KHDRBS2: variants seen among roughly 807,000 people sequenced by gnomAD.
KHDRBS2 encodes KH RNA binding domain containing, signal transduction associated 2.
Under a neutral mutation model 44.3 loss-of-function variants are expected in KHDRBS2, and 26 were observed. The ratio of observed to expected loss-of-function variants is 0.59; its 90% confidence interval spans 0.43 to 0.81. The LOEUF is 0.81. KHDRBS2 is among the 40% of genes least tolerant of loss of function. The pLI is 0.00. For missense variants in KHDRBS2, 476 were observed against 433.1 expected (o/e 1.10, Z -0.88); for synonymous variants, 194 against 151.1 (o/e 1.28, Z -2.08).
intron 1 of KHDRBS2, among the ~76,000 whole-genome samples, chr6:62,217,697 G>A (rs1830251476): frequency 6.6e-6 from 1 of 151,782 alleles, no homozygotes; most frequent in Admixed American, 6.6e-5. Context: ...GTGTCAAATT[G>A]TCTTACATAT....
intron 4 of KHDRBS2, among the ~76,000 whole-genome samples, chr6:61,928,631 T>C (rs1809418955): frequency 6.6e-6 from 1 of 152,110 alleles, no homozygotes. Flanking sequence ...ATAACAAATA[T>C]TCATTTTAAT....
chr6:62,034,785 C>T (rs780614608), intron 3 of KHDRBS2, among the ~76,000 whole-genome samples: 1 of 148,800 alleles, frequency 6.7e-6, no homozygotes, highest in Non-Finnish European at 1.5e-5. Context: ...CATAGTACTG[C>T]AGGAAAAAAA....
chr6:61,659,921 T>C, the KHDRBS2 span, among the ~76,000 whole-genome samples: 1 of 151,788 alleles, frequency 6.6e-6, no homozygotes, highest in Non-Finnish European at 1.5e-5. Context: ...ATAAAATACT[T>C]GCCTCACTGG....
intron 4 of KHDRBS2, among the ~76,000 whole-genome samples, chr6:61,950,663 A>G (rs1764554289): frequency 6.6e-6 from 1 of 152,028 alleles, no homozygotes; most frequent in African/African-American, 2.4e-5. Context: ...TACAAGACTT[A>G]CAATGCATAA....
intron 2 of KHDRBS2, among the ~76,000 whole-genome samples, chr6:62,064,337 A>G (rs1386656265): frequency 6.7e-6 from 1 of 149,072 alleles, no homozygotes; most frequent in Non-Finnish European, 1.5e-5. Flanking sequence ...ATCCTAAGCC[A>G]AAAGAACAAA....
chr6:61,932,148 T>C (rs1287487177), intron 4 of KHDRBS2, among the ~76,000 whole-genome samples: 1 of 152,148 alleles, frequency 6.6e-6, no homozygotes, highest in Non-Finnish European at 1.5e-5. Flanking sequence ...AAGTTATACA[T>C]TGATTTTCGA....
the KHDRBS2 span, among the ~76,000 whole-genome samples, chr6:61,554,023 G>A: frequency 6.6e-6 from 1 of 152,106 alleles, no homozygotes; most frequent in African/African-American, 2.4e-5. Context: ...GGTCTATTTT[G>A]TCAAGCATTG....
intron 5 of KHDRBS2, 124 bp from the exon 6 acceptor site, chr6:61,894,957 C>G (rs6928552): frequency 0.36 from 193,456 of 536,848 alleles, 23,383 homozygotes; most frequent in Admixed American, 0.45. Flanking sequence ...CTCTCTCTCT[C>G]TGTGTGTGTG....
At chr6:62,225,588 G>A (rs1268094596) in intron 1 of KHDRBS2, among the ~76,000 whole-genome samples, 2 of 152,122 alleles carry the variant, frequency 1.3e-5, no homozygotes, top group African/African-American at 4.8e-5. Context: ...TGTTACATAG[G>A]TATACATGTG....
At chr6:61,809,003 A>C (rs1259029315) in intron 6 of KHDRBS2, among the ~76,000 whole-genome samples, 1 of 152,046 alleles carries the variant, frequency 6.6e-6, no homozygotes, top group Non-Finnish European at 1.5e-5. Context: ...TATTTCCATG[A>C]TTGAAATAAA....
intron 3 of KHDRBS2, among the ~76,000 whole-genome samples, chr6:62,022,352 A>C (rs1236195974): frequency 6.6e-6 from 1 of 151,722 alleles, no homozygotes; most frequent in Admixed American, 6.6e-5. Context: ...AAGCATCCTG[A>C]GGTTTCCCAA....
intron 6 of KHDRBS2, among the ~76,000 whole-genome samples, chr6:61,792,651 A>G (rs990014850): frequency 6.6e-6 from 1 of 151,870 alleles, no homozygotes; most frequent in African/African-American, 2.4e-5. Flanking sequence ...CTGAAAAGTC[A>G]CAATGACAAC....
chr6:61,826,234 C>T (rs1190791049), intron 6 of KHDRBS2, among the ~76,000 whole-genome samples: 1 of 152,042 alleles, frequency 6.6e-6, no homozygotes, highest in Non-Finnish European at 1.5e-5. Context: ...CTCTGTACAC[C>T]AGGAGACCTC....
At chr6:62,271,938 A>G (rs558892212) in intron 1 of KHDRBS2, among the ~76,000 whole-genome samples, 1 of 152,260 alleles carries the variant, frequency 6.6e-6, no homozygotes, top group African/African-American at 2.4e-5. Context: ...AGTGTTTATA[A>G]AGTCTACAGT....
At chr6:62,170,197 G>C (rs1313163184) in intron 2 of KHDRBS2, among the ~76,000 whole-genome samples, 2 of 152,146 alleles carry the variant, frequency 1.3e-5, no homozygotes, top group South Asian at 4.1e-4. Context: ...GGACCTGCCA[G>C]CTTGGTTGGT....
At chr6:62,121,647 G>C (rs1047470870) in intron 2 of KHDRBS2, among the ~76,000 whole-genome samples, 2 of 152,212 alleles carry the variant, frequency 1.3e-5, no homozygotes, top group African/African-American at 4.8e-5. Flanking sequence ...TCCTGCCTCA[G>C]GGGTATATCA....
chr6:61,684,820 G>T (rs1766650180), intron 8 of KHDRBS2, among the ~76,000 whole-genome samples: 1 of 151,606 alleles, frequency 6.6e-6, no homozygotes, highest in South Asian at 2.1e-4. Context: ...AGAAACAGAA[G>T]TTAAGTGACT....
At chr6:62,075,764 C>A (rs969042707) in intron 2 of KHDRBS2, among the ~76,000 whole-genome samples, 1 of 151,640 alleles carries the variant, frequency 6.6e-6, no homozygotes, top group Non-Finnish European at 1.5e-5. Flanking sequence ...TTATGAAAAT[C>A]TTAATTAAGG....
the KHDRBS2 span, among the ~76,000 whole-genome samples, chr6:61,562,993 G>A: frequency 2.0e-5 from 3 of 152,088 alleles, no homozygotes; most frequent in Non-Finnish European, 4.4e-5. Flanking sequence ...TACCTGTGCA[G>A]AACATACTGG....
Sources: allele counts gnomAD v4.1 joint callset (sites outside exome capture counted in the v4.1 genomes callset), GRCh38; gene constraint gnomAD v4.1.1; transcripts MANE v1.5; gene names NCBI Gene and HGNC (gene_info 2026-07-23, HGNC 2026-07-21).